Variants in TMPRSS4 observed in about 807,000 individuals in gnomAD.
TMPRSS4 encodes the protein transmembrane serine protease 4.
In TMPRSS4, 45 loss-of-function variants were observed where a neutral mutation model predicts 56.4. The ratio of observed to expected loss-of-function variants is 0.80; its 90% CI spans 0.63 to 1.02. TMPRSS4 has a LOEUF of 1.02. Among genes scored for constraint, TMPRSS4 ranks in the 50% least tolerant of loss-of-function variants. TMPRSS4 has a pLI of 0.00. For synonymous variants in TMPRSS4, 205 were observed against 211.0 expected (o/e 0.97, Z 0.25); for missense variants, 546 against 556.7 (o/e 0.98, Z 0.19).
intron 2 of TMPRSS4, among the ~76,000 whole-genome samples, chr11:118,095,878 C>G (rs912560002): frequency 6.6e-6 from 1 of 152,118 alleles, no homozygotes; most frequent in Non-Finnish European, 1.5e-5. Flanking sequence ...GTGGGCAGGA[C>G]AGGCTGGAGG....
At chr11:118,088,617 C>T (rs1945747542) in intron 1 of TMPRSS4, among the ~76,000 whole-genome samples, 2 of 152,190 alleles carry the variant, frequency 1.3e-5, no homozygotes, top group South Asian at 4.1e-4. Context: ...GGGCTGGACC[C>T]ATGAGTCAGG....
At position 118,120,239 on chromosome 11, in the gene TMPRSS4, A is replaced by C. The variant is rs979845554; in HGVS notation, c.*2326A>C. The C allele has an allele frequency of 6.6e-6, 1 of 152,158 alleles. No homozygotes were observed. The highest frequency in any genetic ancestry group is 1.5e-5 in the Non-Finnish European group (1 of 68,036). The allele number at this position is 152,158 out of a possible 1,614,324, so 9.4% of individuals were successfully genotyped here. On this transcript the variant is annotated 3_prime_UTR_variant, in exon 13 of 13. Transcript: ENST00000437212. ...TTATACGAACATTCAGGTTACTTCT[A>C]TCTTTTGGCTATTGTGAATTATGCT...
chr11:118,093,705 C>G (rs536797288), intron 1 of TMPRSS4, among the ~76,000 whole-genome samples: 1 of 152,246 alleles, frequency 6.6e-6, no homozygotes, highest in South Asian at 2.1e-4. Context: ...TAAAGTCTAC[C>G]ACCCAGTGAA....
At chr11:118,092,785 G>T (rs1217495945) in intron 1 of TMPRSS4, among the ~76,000 whole-genome samples, 1 of 152,246 alleles carries the variant, frequency 6.6e-6, no homozygotes, top group Non-Finnish European at 1.5e-5. Context: ...GAGGTTAGAA[G>T]CAAGATGGAG....
intron 2 of TMPRSS4, among the ~76,000 whole-genome samples, chr11:118,096,717 T>C (rs1431461108): frequency 1.3e-5 from 2 of 150,404 alleles, no homozygotes; most frequent in Non-Finnish European, 3.0e-5. Flanking sequence ...GCCCAGGAGG[T>C]GGAAGTTGCA....
At chr11:118,122,680 G>A (rs12365797), downstream of TMPRSS4, among the ~76,000 whole-genome samples, 8,558 of 152,314 alleles carry the variant, frequency 0.056, 817 homozygotes, top group East Asian at 0.4. Flanking sequence ...GTGAGGGAAA[G>A]TATAGCTAAT....
intron 1 of TMPRSS4, among the ~76,000 whole-genome samples, chr11:118,081,390 C>T (rs1945119207): frequency 1.3e-5 from 2 of 152,208 alleles, no homozygotes; most frequent in Non-Finnish European, 2.9e-5. Flanking sequence ...AACGCCACCT[C>T]CCAGCCTGCC....
chr11:118,098,251 C>G (rs1374633684), intron 2 of TMPRSS4, among the ~76,000 whole-genome samples: 1 of 151,148 alleles, frequency 6.6e-6, no homozygotes, highest in East Asian at 1.9e-4. Flanking sequence ...CCCAGGCACA[C>G]CAGGCAGCCT....
chr11:118,115,011 C>T, intron 10 of TMPRSS4, 84 bp downstream of exon 10: 2 of 1,543,290 alleles, frequency 1.3e-6, no homozygotes, highest in South Asian at 1.2e-5. Context: ...AGGAGGACCA[C>T]CCTTCAGAGA....
Position 118,120,008 on chromosome 11 carries a change from C to T in TMPRSS4, c.*2095C>T, listed in dbSNP as rs1947739371. 1 of 152,174 alleles carries T rather than the reference C, an allele frequency of 6.6e-6. No homozygotes were observed. Among genetic ancestry groups the T allele is most frequent in the Non-Finnish European group, 1.5e-5 (1 of 68,042 alleles). 9.4% of individuals were successfully genotyped at this position (152,174 alleles called of 1,614,324 possible). A position where few individuals can be genotyped will look rare whatever the true frequency, so the allele number is the denominator to read the frequency against. ...ACCCATCAAACAACTCTCCATTTCCCCCTCCTCCCAATCTCTGGCAACCAC... is the reference window on the plus strand; with the variant it reads ...ACCCATCAAACAACTCTCCATTTCCTCCTCCTCCCAATCTCTGGCAACCAC... On this transcript the variant is annotated 3_prime_UTR_variant, in exon 13 of 13. Transcript: ENST00000437212.
At chr11:118,125,439 C>T (rs1947869896), downstream of TMPRSS4, 1 of 446,240 alleles carries the variant, frequency 2.2e-6, no homozygotes, top group Non-Finnish European at 4.5e-6. Flanking sequence ...CCCTGCCTTA[C>T]AGCCCCTGTC....
chr11:118,080,943 T>C (rs76113199), intron 1 of TMPRSS4, among the ~76,000 whole-genome samples: 1 of 152,282 alleles, frequency 6.6e-6, no homozygotes, highest in African/African-American at 2.4e-5. Context: ...AGTGAACTCC[T>C]CCAAACCTAA....
intron 1 of TMPRSS4, among the ~76,000 whole-genome samples, chr11:118,077,588 A>G (rs1202222454): frequency 6.6e-6 from 1 of 152,092 alleles, no homozygotes. Flanking sequence ...TGAATCCTGC[A>G]TGTTCTTTTG....
In TMPRSS4 at chr11:118,107,851, A is replaced by T; in HGVS notation, c.518A>T (p.Glu173Val). 6.2e-7 allele frequency: 1 copy of T among 1,614,134 alleles called. No homozygotes were observed. The change falls in exon 6 of 13, where the codon GAG becomes GTG. Residue 173 changes from glutamate to valine, a missense_variant. Transcript: ENST00000437212. ...GTTGAAATCACAGAAAACAGCCAGG[A>T]GCTTCGCATGCGGAACTCAAGTGGG... is the stretch of plus-strand genomic sequence containing the variant. ...DVVEITENSQ[E>V]LRMRNSSGPC...
intron 6 of TMPRSS4, 73 bp downstream of exon 6, chr11:118,107,948 C>A: frequency 7.9e-7 from 1 of 1,264,284 alleles, no homozygotes; most frequent in Non-Finnish European, 1.1e-6. Context: ...GCAACCAGCT[C>A]ACCTGGAACC....
At position 118,118,344 on chromosome 11, in the gene TMPRSS4, G is replaced by C. The variant is rs1222470666; in HGVS notation, c.*431G>C. 4 of 1,037,260 alleles carry C rather than the reference G, an allele frequency of 3.9e-6. No individual in the cohort carries two copies. Among genetic ancestry groups the C allele is most frequent in the Non-Finnish European group, 3.5e-6 (3 of 864,090 alleles). The allele number at this position is 1,037,260 out of a possible 1,614,324, so 64.3% of individuals were successfully genotyped here. On this transcript the variant is annotated 3_prime_UTR_variant, in exon 13 of 13. Transcript: ENST00000437212. ...CCAAGCCTACTAGAGCAAGAAACCA[G>C]TTGTAATATAAAATGCACTGCCCTA...
At chr11:118,088,638 A>G (rs1945749125) in intron 1 of TMPRSS4, among the ~76,000 whole-genome samples, 1 of 152,212 alleles carries the variant, frequency 6.6e-6, no homozygotes. Flanking sequence ...GCTCTGCGGC[A>G]GACTGAATCA....
intron 2 of TMPRSS4, 77 bp downstream of exon 2, chr11:118,094,932 C>T (rs1204909759): frequency 1.0e-5 from 15 of 1,490,874 alleles, no homozygotes; most frequent in Middle Eastern, 1.7e-4. Context: ...AAGCCACTCG[C>T]GCCTGGCCCT....
At chr11:118,077,426 A>G (rs975862641) in intron 1 of TMPRSS4, 121 bp downstream of exon 1, 2 of 1,244,598 alleles carry the variant, frequency 1.6e-6, no homozygotes, top group African/African-American at 3.1e-5. Context: ...GGTTAAAAAA[A>G]GAGGCCACAC....
Sources: allele counts gnomAD v4.1 joint callset (sites outside exome capture counted in the v4.1 genomes callset), GRCh38; gene constraint gnomAD v4.1.1; transcripts MANE v1.5; gene names NCBI Gene and HGNC (gene_info 2026-07-23, HGNC 2026-07-21).